MICU1: variants seen among roughly 807,000 people sequenced by gnomAD.
MICU1 encodes the protein calcium uptake protein 1, mitochondrial.
In MICU1, 45 loss-of-function variants were observed where a neutral mutation model predicts 56.8. The observed-to-expected ratio is 0.79, with a 90% CI of 0.62 to 1.02. MICU1 has a LOEUF of 1.02. Ranked by LOEUF, MICU1 falls within the 50% of genes least tolerant of loss-of-function variation. The pLI is 0.00. For synonymous variants in MICU1, 186 were observed against 195.1 expected (o/e 0.95, Z 0.39); for missense variants, 504 against 587.1 (o/e 0.86, Z 1.46).
chr10:72,421,666 A>G (rs1444418838), intron 9 of MICU1, among the ~76,000 whole-genome samples: 1 of 152,140 alleles, frequency 6.6e-6, no homozygotes, highest in Non-Finnish European at 1.5e-5. Context: ...ATGTTCTCCA[A>G]CCTCAAGGCT....
intron 8 of MICU1, among the ~76,000 whole-genome samples, chr10:72,463,092 G>A (rs1015401058): frequency 6.6e-6 from 1 of 150,848 alleles, no homozygotes; most frequent in Non-Finnish European, 1.5e-5. Flanking sequence ...TTGAGACGGA[G>A]TTTCGCTCTT....
chr10:72,538,293 A>C (rs1164333576), intron 4 of MICU1, among the ~76,000 whole-genome samples: 6 of 152,166 alleles, frequency 3.9e-5, no homozygotes, highest in African/African-American at 1.4e-4. Flanking sequence ...TTTAGTGAGA[A>C]TATATAAACT....
At chr10:72,619,709 T>C (rs969226660) in intron 1 of MICU1, among the ~76,000 whole-genome samples, 6 of 152,052 alleles carry the variant, frequency 3.9e-5, no homozygotes, top group African/African-American at 1.4e-4. Context: ...AGAAGGAAAA[T>C]AACCACCTGA....
At chr10:72,389,632 A>G (rs1390313278) in intron 10 of MICU1, among the ~76,000 whole-genome samples, 1 of 152,160 alleles carries the variant, frequency 6.6e-6, no homozygotes, top group Non-Finnish European at 1.5e-5. Context: ...TTGTGTGATT[A>G]TTTTCTGATT....
intron 5 of MICU1, among the ~76,000 whole-genome samples, chr10:72,515,522 G>T (rs1266926790): frequency 6.6e-6 from 1 of 152,118 alleles, no homozygotes; most frequent in African/African-American, 2.4e-5. Flanking sequence ...ATGAATTCAT[G>T]TTGATACCTA....
At chr10:72,617,831 CA>C (rs1842018213) in intron 1 of MICU1, among the ~76,000 whole-genome samples, 1 of 151,980 alleles carries the variant, frequency 6.6e-6, no homozygotes, top group Non-Finnish European at 1.5e-5. Context: ...GACCCCAACT[CA>C]AAACAACAAC....
At chr10:72,374,337 G>A (rs957892343) in intron 11 of MICU1, among the ~76,000 whole-genome samples, 5 of 152,160 alleles carry the variant, frequency 3.3e-5, no homozygotes, top group African/African-American at 1.2e-4. Flanking sequence ...TATTGCCCAG[G>A]CTGGTCTCAA....
At chr10:72,565,439 T>C (rs1371518293) in intron 2 of MICU1, among the ~76,000 whole-genome samples, 1 of 128,572 alleles carries the variant, frequency 7.8e-6, no homozygotes, top group Admixed American at 1.0e-4. Flanking sequence ...AATTAAACAA[T>C]GAGAACACAT....
chr10:72,486,997 C>T (rs987305903), intron 6 of MICU1, among the ~76,000 whole-genome samples: 2 of 152,096 alleles, frequency 1.3e-5, no homozygotes, highest in East Asian at 1.9e-4. Context: ...CTGCTAAAAT[C>T]GAAGCAAGAA....
At chr10:72,589,687 T>C (rs980610143) in intron 1 of MICU1, among the ~76,000 whole-genome samples, 1 of 151,952 alleles carries the variant, frequency 6.6e-6, no homozygotes, top group Non-Finnish European at 1.5e-5. Context: ...TATTAATGAA[T>C]ACAAAAATAG....
chr10:72,541,135 T>C (rs1404837054), intron 4 of MICU1, among the ~76,000 whole-genome samples: 7 of 152,246 alleles, frequency 4.6e-5, no homozygotes, highest in Admixed American at 4.6e-4. Flanking sequence ...ATAGGCTAGC[T>C]GTCCTTACTC....
chr10:72,620,932 A>G (rs1283862192), intron 1 of MICU1, among the ~76,000 whole-genome samples: 1 of 152,152 alleles, frequency 6.6e-6, no homozygotes, highest in Admixed American at 6.5e-5. Flanking sequence ...GTGCTCTTAA[A>G]GCATGATTGG....
intron 1 of MICU1, among the ~76,000 whole-genome samples, chr10:72,606,130 CAAA>C (rs11317547): frequency 8.1e-5 from 10 of 124,110 alleles, no homozygotes; most frequent in Non-Finnish European, 1.0e-4. Context: ...GACTCCATCT[CAAA>C]AAAAAAAAAA....
chr10:72,417,959 A>T (rs1864037966), intron 9 of MICU1, among the ~76,000 whole-genome samples: 1 of 152,214 alleles, frequency 6.6e-6, no homozygotes, highest in Non-Finnish European at 1.5e-5. Context: ...AGGGCTAGGG[A>T]CACCTCAGGA....
chr10:72,383,886 C>A (rs1862802922), intron 10 of MICU1, among the ~76,000 whole-genome samples: 1 of 152,112 alleles, frequency 6.6e-6, no homozygotes, highest in East Asian at 1.9e-4. Flanking sequence ...GCAACCTCTG[C>A]CTCCTGGGCT....
intron 10 of MICU1, among the ~76,000 whole-genome samples, chr10:72,393,436 G>A (rs889434533): frequency 2.0e-5 from 3 of 152,188 alleles, no homozygotes; most frequent in South Asian, 2.1e-4. Context: ...AGGCAAGAGC[G>A]CTTGAGGTAG....
chr10:72,594,918 T>TAAAAAAA (rs1841330145), intron 1 of MICU1, among the ~76,000 whole-genome samples: 2 of 16,534 alleles, frequency 1.2e-4, no homozygotes, highest in African/African-American at 3.8e-4. Flanking sequence ...TCAAAAAAAG[T>TAAAAAAA]ACAATCCAAA....
intron 6 of MICU1, among the ~76,000 whole-genome samples, chr10:72,484,549 T>C (rs1866404073): frequency 6.6e-6 from 1 of 152,192 alleles, no homozygotes; most frequent in Non-Finnish European, 1.5e-5. Flanking sequence ...GGAAAACAAC[T>C]GTAATCTAAG....
intron 1 of MICU1, among the ~76,000 whole-genome samples, chr10:72,602,855 C>T (rs774157024): frequency 1.7e-4 from 26 of 152,352 alleles, no homozygotes; most frequent in Non-Finnish European, 2.5e-4. Context: ...CACCTGTAAT[C>T]CCAGCACTTC....
Sources: gnomAD v4.1 joint callset for allele counts (sites outside exome capture counted in the v4.1 genomes callset) on GRCh38, gnomAD v4.1.1 for gene constraint, MANE v1.5 for transcripts, NCBI Gene and HGNC (gene_info 2026-07-23, HGNC 2026-07-21) for gene names.